Variants in ATP2C1 observed in about 807,000 individuals in gnomAD.
ATP2C1 encodes the protein calcium-transporting ATPase type 2C member 1.
In ATP2C1, 31 loss-of-function variants were observed where a neutral mutation model predicts 120.5. The ratio of observed to expected loss-of-function variants is 0.26; its 90% CI spans 0.19 to 0.35. The LOEUF (loss-of-function observed/expected upper bound fraction) is 0.35. ATP2C1 is among the 10% of genes least tolerant of loss of function. The probability of loss-of-function intolerance (pLI) is 1.00; values close to 1 mark genes in which losing one functional copy is unlikely to be tolerated. For synonymous variants in ATP2C1, 351 were observed against 358.7 expected (o/e 0.98, Z 0.24); for missense variants, 731 against 1,107.5 (o/e 0.66, Z 4.83).
chr3:130,920,717 C>T (rs1000176546), intron 2 of ATP2C1, among the ~76,000 whole-genome samples: 1 of 151,916 alleles, frequency 6.6e-6, no homozygotes, highest in African/African-American at 2.4e-5. Flanking sequence ...ATAAAAAATA[C>T]CACTGGAATT....
chr3:130,940,779 TTGTC>T, intron 7 of ATP2C1, 88 bp downstream of exon 7: 1 of 1,018,286 alleles, frequency 9.8e-7, no homozygotes, highest in Non-Finnish European at 1.5e-6. Context: ...TATCCCCACT[TTGTC>T]TGAACATAAG....
chr3:130,947,251 TA>T (rs932163289), intron 8 of ATP2C1, among the ~76,000 whole-genome samples: 4,155 of 148,006 alleles, frequency 0.028, 194 homozygotes, highest in African/African-American at 0.095. Flanking sequence ...TCCACCACAT[TA>T]AAAAAAAAAA....
At chr3:130,971,917 A>G (rs112637078) in intron 17 of ATP2C1, among the ~76,000 whole-genome samples, 2 of 152,314 alleles carry the variant, frequency 1.3e-5, no homozygotes, top group Admixed American at 6.5e-5. Context: ...CTTGGAATAC[A>G]TGAAGGCTGG....
At chr3:130,942,608 C>T (rs888998900) in intron 8 of ATP2C1, among the ~76,000 whole-genome samples, 3 of 152,142 alleles carry the variant, frequency 2.0e-5, no homozygotes, top group Admixed American at 2.0e-4. Flanking sequence ...ACAAACTTGG[C>T]TTAATCTTTC....
chr3:130,939,355 A>G (rs1486734645), intron 6 of ATP2C1, among the ~76,000 whole-genome samples: 1 of 152,040 alleles, frequency 6.6e-6, no homozygotes, highest in Non-Finnish European at 1.5e-5. Context: ...TGCAATCCCC[A>G]TTCCCCACAC....
chr3:130,929,057 C>CT (rs913699082), intron 2 of ATP2C1, among the ~76,000 whole-genome samples: 32 of 152,098 alleles, frequency 2.1e-4, no homozygotes, highest in African/African-American at 7.0e-4. Flanking sequence ...AATCTTTTCT[C>CT]TAAGTTTTTA....
At chr3:130,852,666 A>C (rs1373364368) in intron 1 of ATP2C1, among the ~76,000 whole-genome samples, 2 of 152,226 alleles carry the variant, frequency 1.3e-5, no homozygotes, top group Non-Finnish European at 2.9e-5. Context: ...TGTCTCACAG[A>C]ATTAGAGAAA....
chr3:130,955,107 A>G (rs2060522770), intron 10 of ATP2C1, 27 bp downstream of exon 10: 1 of 1,462,034 alleles, frequency 6.8e-7, no homozygotes, highest in East Asian at 2.3e-5. Context: ...TTAATGATGT[A>G]TTTGTTCCAA....
chr3:130,961,871 T>C (rs2108615106), intron 12 of ATP2C1, among the ~76,000 whole-genome samples: 1 of 152,162 alleles, frequency 6.6e-6, no homozygotes, highest in East Asian at 1.9e-4. Flanking sequence ...ATGATGTGGG[T>C]GAAATTAATA....
chr3:130,911,240 G>T (rs1402417673), intron 2 of ATP2C1, among the ~76,000 whole-genome samples: 1 of 143,042 alleles, frequency 7.0e-6, no homozygotes, highest in Non-Finnish European at 1.5e-5. Flanking sequence ...TTGCGTAGAG[G>T]TGTTTGTAGT....
chr3:130,984,660 A>G (rs949581816), intron 20 of ATP2C1, among the ~76,000 whole-genome samples: 1 of 152,198 alleles, frequency 6.6e-6, no homozygotes, highest in African/African-American at 2.4e-5. Flanking sequence ...TAATGTTGAA[A>G]TCCTGAAAGA....
upstream of ATP2C1, among the ~76,000 whole-genome samples, chr3:130,890,533 T>C (rs1458453050): frequency 2.0e-5 from 3 of 152,260 alleles, no homozygotes; most frequent in African/African-American, 4.8e-5. Flanking sequence ...AAATATTTCA[T>C]GTTTAAAATG....
At chr3:130,919,511 G>A (rs1240819305) in intron 2 of ATP2C1, among the ~76,000 whole-genome samples, 3 of 152,060 alleles carry the variant, frequency 2.0e-5, no homozygotes, top group African/African-American at 7.2e-5. Flanking sequence ...GAGCTACCAC[G>A]CCCGGCCTAG....
At chr3:130,878,343 T>G (rs1349752160) in intron 1 of ATP2C1, among the ~76,000 whole-genome samples, 1 of 152,208 alleles carries the variant, frequency 6.6e-6, no homozygotes, top group African/African-American at 2.4e-5. Flanking sequence ...GAGAATTTAC[T>G]TCTGTCATTT....
At chr3:130,970,056 G>A (rs1012017133) in intron 17 of ATP2C1, among the ~76,000 whole-genome samples, 29 of 152,296 alleles carry the variant, frequency 1.9e-4, no homozygotes, top group East Asian at 5.8e-4. Context: ...GGTAGCTCAC[G>A]CCTGTAATCC....
In ATP2C1 at chr3:130,934,696, C is replaced by T. The variant is rs559081037; in HGVS notation, c.309C>T (p.Ala103=). The T allele has an allele frequency of 3.7e-5, 60 of 1,605,004 alleles. No individual in the cohort carries two copies. Among genetic ancestry groups the T allele is most frequent in the Non-Finnish European group, 4.6e-5 (54 of 1,172,378 alleles). ...TTTTAATGCATCAGTTTGATGATGC[C>T]GTCAGTATCACTGTGGTAAGAAAAA... ...ISVLMHQFDD[A]VSITVAILIV... is the part of the protein sequence containing the mutation. Residue 103 remains alanine (A), a synonymous_variant, in exon 5 of 28, where the codon GCC becomes GCT. Transcript: ENST00000510168.
chr3:130,886,744 TTTCTG>T (rs2068982133), intron 1 of ATP2C1, among the ~76,000 whole-genome samples: 2 of 152,238 alleles, frequency 1.3e-5, no homozygotes, highest in African/African-American at 4.8e-5. Flanking sequence ...CTGAATTTCT[TTTCTG>T]TTATCTTGAA....
chr3:130,972,749 A>G lies in ATP2C1; in HGVS notation c.1414-2583A>G, dbSNP rs1340751138. Among the ~76,000 whole-genome samples the G allele has an allele frequency of 2.0e-5, 3 of 151,586 alleles. No homozygotes were observed. The East Asian group carries it at 5.8e-4, about 30-fold the overall frequency. ...TTGTCCTTGCGATAGTTTACTGAGA[A>G]TGATGATTTCCAGTTTCATCCATGT... On this transcript the variant is annotated intron_variant, in intron 17 of 27. Transcript: ENST00000510168.
In ATP2C1 at chr3:131,002,514, C is replaced by T. The variant is rs909154473; in HGVS notation, c.*1164C>T. On this transcript the variant is annotated 3_prime_UTR_variant, in exon 28 of 28. Coordinates refer to ENST00000510168, the MANE Select transcript of ATP2C1 (RefSeq NM_001378687.1). The stretch of plus-strand genomic sequence containing the variant: ...TGTACCTTCTTTTTGTTTCATTGGG[C>T]ATGCTAGGGAAATAGGTGGATTTTG... 1.0e-6 allele frequency: 1 copy of T among 985,320 alleles called. No homozygotes were observed. The highest frequency in any genetic ancestry group is 1.7e-5 in the African/African-American group (1 of 57,320). 61.0% of individuals were successfully genotyped at this position (985,320 alleles called of 1,614,324 possible).
Sources: allele counts gnomAD v4.1 joint callset (sites outside exome capture counted in the v4.1 genomes callset), GRCh38; gene constraint gnomAD v4.1.1; transcripts MANE v1.5; gene names NCBI Gene and HGNC (gene_info 2026-07-23, HGNC 2026-07-21).